The following SPRED2 variants were observed in gnomAD, a reference collection of about 807,000 sequenced individuals.
SPRED2 encodes the protein sprouty related EVH1 domain containing 2.
Under a neutral mutation model 43.0 loss-of-function variants are expected in SPRED2, and 47 were observed. The observed-to-expected ratio is 1.09, with a 90% CI of 0.87 to 1.40. SPRED2 has a LOEUF of 1.40. SPRED2 is among the 40% of genes most tolerant of loss of function. The pLI is 0.00. For missense variants in SPRED2, 561 were observed against 586.4 expected (o/e 0.96, Z 0.45); for synonymous variants, 225 against 225.7 (o/e 1.00, Z 0.03).
intron 1 of SPRED2, among the ~76,000 whole-genome samples, chr2:65,379,488 A>G (rs1198842107): frequency 1.3e-5 from 2 of 152,132 alleles, no homozygotes; most frequent in East Asian, 3.9e-4. Context: ...AGCAACGATG[A>G]GCCTCTGCCT....
At chr2:65,414,238 C>T (rs1242258198) in intron 1 of SPRED2, among the ~76,000 whole-genome samples, 1 of 152,226 alleles carries the variant, frequency 6.6e-6, no homozygotes, top group Non-Finnish European at 1.5e-5. Context: ...ATTTCATCTG[C>T]TAAATGCTGA....
intron 3 of SPRED2, among the ~76,000 whole-genome samples, chr2:65,333,454 T>A (rs1237111004): frequency 6.6e-6 from 1 of 151,826 alleles, no homozygotes; most frequent in African/African-American, 2.4e-5. Flanking sequence ...ATTACTCCAA[T>A]CAACCAATGT....
At chr2:65,339,355 GC>G (rs1357011025) in intron 2 of SPRED2, among the ~76,000 whole-genome samples, 1 of 151,914 alleles carries the variant, frequency 6.6e-6, no homozygotes, top group Admixed American at 6.6e-5. Flanking sequence ...GTAGACATGG[GC>G]GACTTTTCAT....
intron 1 of SPRED2, among the ~76,000 whole-genome samples, chr2:65,375,576 G>C (rs542507884): frequency 6.6e-6 from 1 of 152,194 alleles, no homozygotes; most frequent in African/African-American, 2.4e-5. Context: ...TGGCTAAGAC[G>C]AAACAGTAGG....
At chr2:65,410,542 A>G (rs891325218) in intron 1 of SPRED2, among the ~76,000 whole-genome samples, 1 of 152,006 alleles carries the variant, frequency 6.6e-6, no homozygotes, top group Non-Finnish European at 1.5e-5. Flanking sequence ...GGCGGATCAC[A>G]AGGTCAGGAG....
rs549497409 is a variant in SPRED2 at position 65,313,337 on chromosome 2, G to A, written c.*164C>T. On this transcript the variant is annotated 3_prime_UTR_variant, in exon 6 of 6. Transcript: ENST00000356388. Reference sequence around the variant, plus strand: ...GGCAGGGGGAGTGGAGAGTCTACCCGGCAGCGTCCCTGGCTGGAATGGTGC... The same window carrying A: ...GGCAGGGGGAGTGGAGAGTCTACCCAGCAGCGTCCCTGGCTGGAATGGTGC... 6.8e-7 allele frequency: 1 copy of A among 1,465,978 alleles called. No homozygotes were observed. The highest frequency in any genetic ancestry group is 8.9e-7 in the Non-Finnish European group (1 of 1,117,338). The allele number at this position is 1,465,978 out of a possible 1,614,324, so 90.8% of individuals were successfully genotyped here.
At chr2:65,309,482 G>A (rs1207366822), downstream of SPRED2, among the ~76,000 whole-genome samples, 3 of 146,186 alleles carry the variant, frequency 2.1e-5, no homozygotes, top group Non-Finnish European at 4.5e-5. Flanking sequence ...TTCTAGCAAG[G>A]GTGACAGAGT....
At chr2:65,431,384 C>G (rs1457877773) in intron 1 of SPRED2, among the ~76,000 whole-genome samples, 1 of 151,738 alleles carries the variant, frequency 6.6e-6, no homozygotes, top group East Asian at 1.9e-4. Flanking sequence ...AGCACGCCGG[C>G]CCGCGCGGGG....
intron 1 of SPRED2, among the ~76,000 whole-genome samples, chr2:65,346,722 TG>T: frequency 6.6e-6 from 1 of 152,312 alleles, no homozygotes; most frequent in Admixed American, 6.5e-5. Flanking sequence ...GATGTGGGTA[TG>T]GTGCTTGCCA....
chr2:65,412,105 C>T (rs1321338795), intron 1 of SPRED2, among the ~76,000 whole-genome samples: 6 of 145,724 alleles, frequency 4.1e-5, no homozygotes, highest in Non-Finnish European at 7.5e-5. Context: ...CCAGCCTGGG[C>T]GACACAGTGA....
chr2:65,358,930 A>C (rs1674730069), intron 1 of SPRED2, among the ~76,000 whole-genome samples: 1 of 152,138 alleles, frequency 6.6e-6, no homozygotes, highest in African/African-American at 2.4e-5. Flanking sequence ...GGGGTGAGGG[A>C]GAAAAGGTAA....
intron 1 of SPRED2, among the ~76,000 whole-genome samples, chr2:65,415,282 G>A (rs1676247694): frequency 6.6e-6 from 1 of 152,152 alleles, no homozygotes; most frequent in East Asian, 1.9e-4. Flanking sequence ...TGCATGCAGT[G>A]CCACACTTGT....
intron 4 of SPRED2, among the ~76,000 whole-genome samples, chr2:65,321,396 G>A (rs1351173690): frequency 6.6e-6 from 1 of 151,832 alleles, no homozygotes; most frequent in Non-Finnish European, 1.5e-5. Flanking sequence ...GTCCAGCTGG[G>A]TGCAGCTGCT....
intron 1 of SPRED2, among the ~76,000 whole-genome samples, chr2:65,367,400 T>C (rs955379448): frequency 1.3e-5 from 2 of 152,196 alleles, no homozygotes; most frequent in Non-Finnish European, 2.9e-5. Context: ...GTAGTGCGTA[T>C]ATGCAGGCTG....
chr2:65,403,626 G>A (rs1040167759), intron 1 of SPRED2, among the ~76,000 whole-genome samples: 6 of 152,116 alleles, frequency 3.9e-5, no homozygotes, highest in African/African-American at 1.4e-4. Flanking sequence ...AATTGAAATC[G>A]CATTAGTGGA....
At chr2:65,308,084 AT>A (rs1338806061), downstream of SPRED2, among the ~76,000 whole-genome samples, 1 of 152,026 alleles carries the variant, frequency 6.6e-6, no homozygotes, top group Non-Finnish European at 1.5e-5. Flanking sequence ...AAGTGTCCTG[AT>A]TTTCTGGGGG....
intron 1 of SPRED2, among the ~76,000 whole-genome samples, chr2:65,374,479 T>C (rs1675194355): frequency 6.6e-6 from 1 of 152,240 alleles, no homozygotes; most frequent in South Asian, 2.1e-4. Flanking sequence ...AACTCATTGT[T>C]CCTTACTAAG....
At chr2:65,427,507 T>G (rs533363388) in intron 1 of SPRED2, among the ~76,000 whole-genome samples, 3 of 152,366 alleles carry the variant, frequency 2.0e-5, no homozygotes, top group Admixed American at 6.5e-5. Flanking sequence ...ATACTCACTG[T>G]ATCGGTTTAA....
At chr2:65,351,326 C>A (rs13395497) in intron 1 of SPRED2, among the ~76,000 whole-genome samples, 8 of 152,206 alleles carry the variant, frequency 5.3e-5, no homozygotes, top group Non-Finnish European at 1.2e-4. Flanking sequence ...GCCCTCTGCT[C>A]CTGCCCCTCC....
Sources: allele counts gnomAD v4.1 joint callset (sites outside exome capture counted in the v4.1 genomes callset), GRCh38; gene constraint gnomAD v4.1.1; transcripts MANE v1.5; gene names NCBI Gene and HGNC (gene_info 2026-07-23, HGNC 2026-07-21).